ZNF219: variants seen among roughly 807,000 people sequenced by gnomAD.
ZNF219 encodes zinc finger protein 219.
In ZNF219, 17 loss-of-function variants were observed where a neutral mutation model predicts 54.4. The ratio of observed to expected loss-of-function variants is 0.31; its 90% confidence interval spans 0.21 to 0.47. ZNF219 has a LOEUF of 0.47. ZNF219 is among the 20% of genes least tolerant of loss of function. The probability of loss-of-function intolerance (pLI) is 1.00; values close to 1 mark genes in which losing one functional copy is unlikely to be tolerated. For missense variants in ZNF219, 1,014 were observed against 1,062.3 expected (o/e 0.95, Z 0.63); for synonymous variants, 518 against 476.4 (o/e 1.09, Z -1.14).
chr14:21,094,444 C>T (rs1172393434), intron 1 of ZNF219: 2 of 455,446 alleles, frequency 4.4e-6, no homozygotes, highest in Non-Finnish European at 8.8e-6. Context: ...TATGATGGGG[C>T]ATCTGAGCCC....
At position 21,092,502 on chromosome 14, in the gene ZNF219, G is replaced by C; in HGVS notation, c.795C>G (p.Pro265=). 6.4e-7 allele frequency: 1 copy of C among 1,551,190 alleles called. No homozygotes were observed. The change falls in exon 3 of 5, where the codon CCC becomes CCG. Residue 265 remains proline (P), a synonymous_variant. Transcript: ENST00000360947. ...EATPTPAPAA[P]EEPPAPPEFR... ...ACTCCGGAGGCGCTGGGGGCTCCTC[G>C]GGAGCGGCAGGAGCTGGGGTCGGGG...
At chr14:21,094,429 TGCAGTATGATGGG>T in intron 1 of ZNF219, 2 of 455,804 alleles carry the variant, frequency 4.4e-6, no homozygotes, top group Non-Finnish European at 8.8e-6. Flanking sequence ...CCTTGGAGCC[TGCAGTATGATGGG>T]GCATCTGAGC....
At chr14:21,101,294 C>T (rs552999987), upstream of ZNF219, 17 of 1,511,350 alleles carry the variant, frequency 1.1e-5, no homozygotes, top group Admixed American at 3.9e-5. Context: ...GAACCTATAA[C>T]GCATTTTTCC....
At chr14:21,101,012 G>A, upstream of ZNF219, 1 of 231,146 alleles carries the variant, frequency 4.3e-6, no homozygotes, top group Non-Finnish European at 8.8e-6. Context: ...ATCTACCCAG[G>A]GCCACTCCCT....
At chr14:21,101,924 G>A, upstream of ZNF219, 3 of 1,551,598 alleles carry the variant, frequency 1.9e-6, no homozygotes, top group Non-Finnish European at 2.6e-6. Context: ...TCGCCTGCCT[G>A]AACTCTGATT....
chr14:21,104,208 C>G (rs1021561071), intron 1 of ZNF219: 3 of 152,268 alleles, frequency 2.0e-5, no homozygotes. Flanking sequence ...CTTGCGAGCA[C>G]GCCGGTGTAA....
At chr14:21,103,603 T>C (rs576614044), upstream of ZNF219, 1 of 241,914 alleles carries the variant, frequency 4.1e-6, no homozygotes, top group South Asian at 4.9e-5. Flanking sequence ...TGAATCCAAT[T>C]CAGGAGTGCC....
Position 21,092,321 on chromosome 14 carries a change from T to G in ZNF219, c.976A>C (p.Ser326Arg). ...GGGGCACGCAGTGGGCCCAGCTTGCTGGCGTGCACCTTCATGTGGTTCTTA... is the reference window on the plus strand; with the variant it reads ...GGGGCACGCAGTGGGCCCAGCTTGCGGGCGTGCACCTTCATGTGGTTCTTA... ...FLKNHMKVHA[S>R]KLGPLRAPGP... The change falls in exon 3 of 5, where the codon AGC becomes CGC. Residue 326 changes from serine to arginine, a missense_variant. Transcript: ENST00000360947. 6.4e-7 allele frequency: 1 copy of G among 1,559,546 alleles called. No individual in the cohort carries two copies. Among genetic ancestry groups the G allele is most frequent in the Non-Finnish European group, 8.7e-7 (1 of 1,154,954 alleles).
chr14:21,093,198 T>C lies in ZNF219; in HGVS notation c.99A>G (p.Pro33=), dbSNP rs775317045. Reference sequence around the variant, plus strand: ...TCCCGAGCGACCCTGCGCTCACGGCTGGCCCGTTGGAGTATCGCTGCAGAT... The same window carrying C: ...TCCCGAGCGACCCTGCGCTCACGGCCGGCCCGTTGGAGTATCGCTGCAGAT... ...ELDLQRYSNG[P]AVSAGSLGMG... is the part of the protein sequence containing the mutation. Residue 33 remains proline (P), a synonymous_variant, in exon 3 of 5, where the codon CCA becomes CCG. Coordinates refer to ENST00000360947, the MANE Select transcript of ZNF219 (RefSeq NM_016423.3). 2 of 1,607,694 alleles carry C rather than the reference T, an allele frequency of 1.2e-6. No individual in the cohort carries two copies. The highest frequency in any genetic ancestry group is 2.2e-5 in the South Asian group (2 of 90,962).
chr14:21,099,789 G>A (rs1473237909), upstream of ZNF219, among the ~76,000 whole-genome samples: 1 of 152,216 alleles, frequency 6.6e-6, no homozygotes, highest in Non-Finnish European at 1.5e-5. Flanking sequence ...AGGGAACAGA[G>A]AGATTAAGCA....
At chr14:21,091,811 G>A (rs1159099850) in intron 3 of ZNF219, 54 bp downstream of exon 3, 31 of 1,481,802 alleles carry the variant, frequency 2.1e-5, no homozygotes, top group Non-Finnish European at 2.5e-5. Flanking sequence ...GAGTGGCGGC[G>A]TAAGAGTCAG....
At chr14:21,098,139 T>G (rs1889392675) in intron 1 of ZNF219, among the ~76,000 whole-genome samples, 173 bp downstream of exon 1, 1 of 138,980 alleles carries the variant, frequency 7.2e-6, no homozygotes. Flanking sequence ...CCAGGAGCTC[T>G]GGGCGAAGTT....
upstream of ZNF219, chr14:21,103,290 C>T (rs1361793263): frequency 4.5e-6 from 7 of 1,539,936 alleles, no homozygotes; most frequent in South Asian, 1.2e-5. Context: ...CTGCATCCCA[C>T]CCCACCAAAC....
At chr14:21,102,705 G>A (rs760538899), upstream of ZNF219, 83 of 1,551,438 alleles carry the variant, frequency 5.3e-5, no homozygotes, top group Non-Finnish European at 7.0e-5. Context: ...CTCAGTGCAC[G>A]CCCTATTCTT....
chr14:21,101,402 T>A, upstream of ZNF219: 1 of 1,551,674 alleles, frequency 6.4e-7, no homozygotes, highest in Non-Finnish European at 8.7e-7. Context: ...CTGGAAAAGC[T>A]ACAACACTGG....
chr14:21,097,176 C>A (rs1422428035), intron 1 of ZNF219, among the ~76,000 whole-genome samples: 1 of 152,192 alleles, frequency 6.6e-6, no homozygotes. Context: ...CCTCCTAACC[C>A]GCTCCACTCT....
At position 21,092,527 on chromosome 14, in the gene ZNF219, G is replaced by T. The variant is rs975401113; in HGVS notation, c.770C>A (p.Thr257Asn). Residue 257 changes from threonine (T) to asparagine (N), a missense_variant, in exon 3 of 5, where the codon ACC becomes AAC. Around this residue, in one of 5 missense-constraint regions of ZNF219, gnomAD observed 395 missense variants for 415.1 expected, o/e 0.95. Transcript: ENST00000360947. Reference protein sequence around the residue: ...EPEPEPEREATPTPAPAAPEE... With the variant: ...EPEPEPEREANPTPAPAAPEE... ...GGGAGCGGCAGGAGCTGGGGTCGGG[G>T]TTGCCTCACGTTCGGGCTCCGGCTC... 2 of 1,549,626 alleles carry T rather than the reference G, an allele frequency of 1.3e-6. No homozygotes were observed. Among genetic ancestry groups the T allele is most frequent in the Admixed American group, 2.0e-5 (1 of 50,974 alleles).
Position 21,098,481 on chromosome 14 carries a change from C to G in ZNF219, c.-253G>C. On this transcript the variant is annotated 5_prime_UTR_variant, in exon 1 of 5. Transcript: ENST00000360947. ...CCCCTCCCCGGTCCCCCGCCCCCGG[C>G]CCTGGCCCGCATTGTGTGCGGCGGG... is the stretch of plus-strand genomic sequence containing the variant. The G allele has an allele frequency of 1.0e-6, 1 of 980,324 alleles. No homozygotes were observed. The highest frequency in any genetic ancestry group is 4.7e-5 in the South Asian group (1 of 21,258). The allele number at this position is 980,324 out of a possible 1,614,324, so 60.7% of individuals were successfully genotyped here.
rs377005339 is a variant in ZNF219, at chr14:21,093,273, G to A, written c.24C>T (p.Ala8=). The part of the protein sequence containing the change: MEGSRPR[A]PSGHLAPSPP... ...GCGACGGCGCTAAGTGGCCGCTCGG[G>A]GCGCGGGGACGTGAGCCCTGTGGAG... is the stretch of plus-strand genomic sequence containing the variant. Residue 8 remains alanine, a synonymous_variant, in exon 3 of 5, where the codon GCC becomes GCT. Coordinates refer to ENST00000360947, the MANE Select transcript of ZNF219 (RefSeq NM_016423.3). 3 of 1,588,582 alleles carry A rather than the reference G, an allele frequency of 1.9e-6. No individual in the cohort carries two copies. The highest frequency in any genetic ancestry group is 3.5e-5 in the Admixed American group (2 of 57,592).
Sources: gnomAD v4.1 joint callset for allele counts (sites outside exome capture counted in the v4.1 genomes callset) on GRCh38, gnomAD v4.1.1 for gene constraint, gnomAD v4.1.1 regional missense constraint, MANE v1.5 for transcripts, NCBI Gene and HGNC (gene_info 2026-07-23, HGNC 2026-07-21) for gene names.